The following PBX2 variants were observed in gnomAD, a reference collection of about 807,000 sequenced individuals.
PBX2 encodes the protein PBX homeobox 2.
PBX2 carries 10 observed loss-of-function variants against 46.5 expected under a neutral mutation model. That is an observed-to-expected ratio of 0.21 (90% CI 0.13 to 0.36). The LOEUF (loss-of-function observed/expected upper bound fraction) is 0.36, where lower values mean the gene tolerates loss of function less well. Among genes scored for constraint, PBX2 ranks in the 10% least tolerant of loss-of-function variants. PBX2 has a pLI of 1.00. For missense variants in PBX2, 392 were observed against 580.5 expected (o/e 0.68, Z 3.34); for synonymous variants, 160 against 222.5 (o/e 0.72, Z 2.50).
In PBX2 at chr6:32,188,727, T is replaced by A. The variant is rs1298962951; in HGVS notation, c.291A>T (p.Lys97Asn). Residue 97 changes from lysine to asparagine, a missense_variant, in exon 2 of 9, where the codon AAA (lysine) becomes AAT (asparagine). This residue lies in a region of PBX2 where 196 missense variants were observed against 246.9 expected (regional missense o/e 0.79). Coordinates refer to ENST00000375050, the MANE Select transcript of PBX2 (RefSeq NM_002586.5). The surrounding 1 kb of genome is among the most constrained non-coding windows in gnomAD (Gnocchi z 6.5). ...LFSVLCEIKEKTGLSIRSSQE... is the reference protein window; with the variant it reads ...LFSVLCEIKENTGLSIRSSQE... ...ATCCGGGGGGGGCCCACATACCAGT[T>A]TTCTCCTTGATTTCACACAGGACGC... 5 of 1,612,746 alleles carry A rather than the reference T, an allele frequency of 3.1e-6. No homozygotes were observed. The highest frequency in any genetic ancestry group is 3.4e-6 in the Non-Finnish European group (4 of 1,179,950).
Position 32,186,924 on chromosome 6 carries a change from A to G in PBX2, c.1025-23T>C. The G allele has an allele frequency of 6.3e-7, 1 of 1,593,444 alleles. No individual in the cohort carries two copies. Among genetic ancestry groups the G allele is most frequent in the Non-Finnish European group, 8.6e-7 (1 of 1,162,548 alleles). The stretch of plus-strand genomic sequence containing the variant: ...AGCCTTGTGGGGGCAGAGAGGGAAG[A>G]GTGTAATAGAGCCCGTGATGGTAGA... On this transcript the variant is annotated intron_variant, in intron 6 of 8. Coordinates refer to ENST00000375050, the MANE Select transcript of PBX2 (RefSeq NM_002586.5). The surrounding 1 kb of genome is among the most constrained non-coding windows in gnomAD (Gnocchi z 4.2).
Position 32,186,294 on chromosome 6 carries a change from C to T in PBX2, c.*88G>A. The stretch of plus-strand genomic sequence containing the variant: ...TGGCCCTTCTCTGTCTTGTGCTTCT[C>T]CTGTATTGGGGTTTGTCCTCTGGAA... On this transcript the variant is annotated 3_prime_UTR_variant, in exon 9 of 9. Coordinates refer to ENST00000375050, the MANE Select transcript of PBX2 (RefSeq NM_002586.5). The surrounding 1 kb of genome is among the most constrained non-coding windows in gnomAD (Gnocchi z 4.2). 1 of 854,124 alleles carries T rather than the reference C, an allele frequency of 1.2e-6. No homozygotes were observed. The highest frequency in any genetic ancestry group is 1.9e-6 in the Non-Finnish European group (1 of 515,284). 52.9% of individuals were successfully genotyped at this position (854,124 alleles called of 1,614,324 possible). A position where few individuals can be genotyped will look rare whatever the true frequency, so the allele number is the denominator to read the frequency against.
Position 32,187,630 on chromosome 6 carries a change from C to G in PBX2, c.870+17G>C. On this transcript the variant is annotated intron_variant, in intron 5 of 8. Coordinates refer to ENST00000375050, the MANE Select transcript of PBX2 (RefSeq NM_002586.5). The surrounding 1 kb of genome is among the most constrained non-coding windows in gnomAD (Gnocchi z 7.7). ...GTGCACTTTGCCTGACAACTCCTCCCGCAACCTCCATAATACCTGAGACAC... is the reference window on the plus strand; with the variant it reads ...GTGCACTTTGCCTGACAACTCCTCCGGCAACCTCCATAATACCTGAGACAC... 2 of 1,580,752 alleles carry G rather than the reference C, an allele frequency of 1.3e-6. No homozygotes were observed. Among genetic ancestry groups the G allele is most frequent in the Non-Finnish European group, 1.7e-6 (2 of 1,162,986 alleles).
rs1787277981 is a variant in PBX2 at position 32,189,042 on chromosome 6, G to A, written c.222-246C>T. 3.6e-6 allele frequency: 2 copies of A among 548,016 alleles called. No individual in the cohort carries two copies. 33.9% of individuals were successfully genotyped at this position (548,016 alleles called of 1,614,324 possible). Reference sequence around the variant, plus strand: ...AGCAGGTTAAAGGCTGCGGGCTTTGGGAGATGGTCTAGAAAGGTAGGAGGA... The same window carrying A: ...AGCAGGTTAAAGGCTGCGGGCTTTGAGAGATGGTCTAGAAAGGTAGGAGGA... On this transcript the variant is annotated intron_variant, in intron 1 of 8. Transcript: ENST00000375050. The surrounding 1 kb of genome is among the most constrained non-coding windows in gnomAD (Gnocchi z 4.7).
Position 32,186,975 on chromosome 6 carries a change from G to C in PBX2, c.1025-74C>G. ...GGATGAACCACAACTCTCAACTCTTGTGGGGACATGCTACTATACTCCAAT... is the reference window on the plus strand; with the variant it reads ...GGATGAACCACAACTCTCAACTCTTCTGGGGACATGCTACTATACTCCAAT... On this transcript the variant is annotated intron_variant, in intron 6 of 8. Coordinates refer to ENST00000375050, the MANE Select transcript of PBX2 (RefSeq NM_002586.5). The surrounding 1 kb of genome is among the most constrained non-coding windows in gnomAD (Gnocchi z 4.2). 3 of 1,301,594 alleles carry C rather than the reference G, an allele frequency of 2.3e-6. No homozygotes were observed. Among genetic ancestry groups the C allele is most frequent in the Non-Finnish European group, 3.3e-6 (3 of 901,256 alleles). 80.6% of individuals were successfully genotyped at this position (1,301,594 alleles called of 1,614,324 possible).
Position 32,187,529 on chromosome 6 carries a change from T to C in PBX2, c.870+118A>G, listed in dbSNP as rs2127447738. On this transcript the variant is annotated intron_variant, in intron 5 of 8. Coordinates refer to ENST00000375050, the MANE Select transcript of PBX2 (RefSeq NM_002586.5). This position sits in a 1 kb window ranked among gnomAD's most constrained non-coding sequence, Gnocchi z 7.7. ...TGCTGTTGCCCAGGCTGGTCTCCAA[T>C]TCAAGTGATCCTCCCACTTCAGCCT... is the stretch of plus-strand genomic sequence containing the variant. 6.7e-7 allele frequency: 1 copy of C among 1,501,102 alleles called. No individual in the cohort carries two copies. Among genetic ancestry groups the C allele is most frequent in the Non-Finnish European group, 9.0e-7 (1 of 1,107,364 alleles). The allele number at this position is 1,501,102 out of a possible 1,614,324, so 93.0% of individuals were successfully genotyped here.
chr6:32,186,656 C>T lies in PBX2; in HGVS notation c.1148G>A (p.Gly383Asp). The change falls in exon 8 of 9, where the codon GGC becomes GAC. Residue 383 changes from glycine to aspartate, a missense_variant. By Grantham distance (94) the Gly-to-Asp change is moderately conservative. Transcript: ENST00000375050. This position sits in a 1 kb window ranked among gnomAD's most constrained non-coding sequence, Gnocchi z 4.2. ...GCCTCCCCCGAGGTTATCCCCATAG[C>T]CCCCTGGCCCCATCGAGTGTCGGAG... Reference protein sequence around the residue: ...ESLRHSMGPGGYGDNLGGGQM... With the variant: ...ESLRHSMGPGDYGDNLGGGQM... 1 of 1,612,410 alleles carries T rather than the reference C, an allele frequency of 6.2e-7. No individual in the cohort carries two copies. The highest frequency in any genetic ancestry group is 8.5e-7 in the Non-Finnish European group (1 of 1,178,460).
In PBX2 at chr6:32,189,851, C is replaced by A; in HGVS notation, c.65G>T (p.Ser22Ile). 6.4e-7 allele frequency: 1 copy of A among 1,561,184 alleles called. No homozygotes were observed. Among genetic ancestry groups the A allele is most frequent in the Non-Finnish European group, 8.7e-7 (1 of 1,152,176 alleles). The change falls in exon 1 of 9, where the codon AGT (serine) becomes ATT (isoleucine). Residue 22 changes from serine (S) to isoleucine (I), a missense_variant. This residue lies in a region of PBX2 where 196 missense variants were observed against 246.9 expected (regional missense o/e 0.79). Coordinates refer to ENST00000375050, the MANE Select transcript of PBX2 (RefSeq NM_002586.5). The surrounding 1 kb of genome is among the most constrained non-coding windows in gnomAD (Gnocchi z 4.7). Reference sequence around the variant, plus strand: ...CTCGCCAGGGCCCCCAGGCTCCCCACTCACCAATCCCAGGCCCCCCCGGCC... The same window carrying A: ...CTCGCCAGGGCCCCCAGGCTCCCCAATCACCAATCCCAGGCCCCCCCGGCC... The part of the protein sequence containing the change: ...GGGRGGLGLV[S>I]GEPGGPGEPP...
Position 32,185,226 on chromosome 6 carries a change from T to C in PBX2, c.*1156A>G, listed in dbSNP as rs533915065. The C allele has an allele frequency of 6.5e-6, 1 of 152,678 alleles. No homozygotes were observed. Among genetic ancestry groups the C allele is most frequent in the African/African-American group, 2.4e-5 (1 of 41,546 alleles). The allele number at this position is 152,678 out of a possible 1,614,324, so 9.5% of individuals were successfully genotyped here. On this transcript the variant is annotated 3_prime_UTR_variant, in exon 9 of 9. Coordinates refer to ENST00000375050, the MANE Select transcript of PBX2 (RefSeq NM_002586.5). ...AAGACATGTCACTCACAGGGGAAGA[T>C]GGCATCTTCAATTTCCTCAAAATTA...
Position 32,186,206 on chromosome 6 carries a change from C to G in PBX2, c.*176G>C, listed in dbSNP as rs1787128075. On this transcript the variant is annotated 3_prime_UTR_variant, in exon 9 of 9. Transcript: ENST00000375050. The surrounding 1 kb of genome is among the most constrained non-coding windows in gnomAD (Gnocchi z 4.2). ...CCACACTCCCCTTAGAGGCCCCATT[C>G]TTCCTGCCATGTAATTAGCACCCCC... is the stretch of plus-strand genomic sequence containing the variant. The G allele has an allele frequency of 6.6e-6, 4 of 604,528 alleles. No homozygotes were observed. The allele number at this position is 604,528 out of a possible 1,614,324, so 37.4% of individuals were successfully genotyped here.
rs1256571505 is a variant in PBX2 at position 32,189,985 on chromosome 6, A to G, written c.-70T>C. On this transcript the variant is annotated 5_prime_UTR_variant, in exon 1 of 9. Coordinates refer to ENST00000375050, the MANE Select transcript of PBX2 (RefSeq NM_002586.5). The surrounding 1 kb of genome is among the most constrained non-coding windows in gnomAD (Gnocchi z 4.7). Reference sequence around the variant, plus strand: ...CCCCGCCTGGTTACTTCTCCCCCCAAACTCGCTGGGGCCGCTGCTCCCTCC... The same window carrying G: ...CCCCGCCTGGTTACTTCTCCCCCCAGACTCGCTGGGGCCGCTGCTCCCTCC... 1.2e-5 allele frequency: 7 copies of G among 594,982 alleles called. No homozygotes were observed. The highest frequency in any genetic ancestry group is 2.0e-5 in the African/African-American group (1 of 49,364). 36.9% of individuals were successfully genotyped at this position (594,982 alleles called of 1,614,324 possible).
At position 32,189,556 on chromosome 6, in the gene PBX2, G is replaced by A. The variant is rs903531993; in HGVS notation, c.221+139C>T. The stretch of plus-strand genomic sequence containing the variant: ...GGTTTGAGAGGGATCACTTTTCTAT[G>A]GGCTCCCAGGAATAAGGAGAGAAGA... On this transcript the variant is annotated intron_variant, in intron 1 of 8. Transcript: ENST00000375050. The surrounding 1 kb of genome is among the most constrained non-coding windows in gnomAD (Gnocchi z 4.7). The A allele has an allele frequency of 4.9e-6, 3 of 614,740 alleles. No individual in the cohort carries two copies. In the African/African-American group the frequency reaches 5.8e-5, roughly 12 times the overall value. 38.1% of individuals were successfully genotyped at this position (614,740 alleles called of 1,614,324 possible).
chr6:32,186,744 G>A lies in PBX2; in HGVS notation c.1114-54C>T, dbSNP rs1787160663. 6.9e-6 allele frequency: 11 copies of A among 1,594,286 alleles called. No homozygotes were observed. In the East Asian group the frequency reaches 1.1e-4, roughly 16 times the overall value. ...TGAAGAGAAGCCTCAGAGGAAAGAG[G>A]TCTTGTATCCTAAAGTAGAGGAAAT... On this transcript the variant is annotated intron_variant, in intron 7 of 8. Transcript: ENST00000375050. The surrounding 1 kb of genome is among the most constrained non-coding windows in gnomAD (Gnocchi z 4.2).
chr6:32,190,094 C>T lies in PBX2; in HGVS notation c.-179G>A, dbSNP rs2127450511. The stretch of plus-strand genomic sequence containing the variant: ...ACTGAAGGGAGACCTGGGATACCGG[C>T]TGGGCCCCCCACAGGAGACCCCGGC... On this transcript the variant is annotated 5_prime_UTR_variant, in exon 1 of 9. Coordinates refer to ENST00000375050, the MANE Select transcript of PBX2 (RefSeq NM_002586.5). 1 of 462,758 alleles carries T rather than the reference C, an allele frequency of 2.2e-6. No individual in the cohort carries two copies. Among genetic ancestry groups the T allele is most frequent in the Non-Finnish European group, 3.8e-6 (1 of 263,764 alleles). The allele number at this position is 462,758 out of a possible 1,614,324, so 28.7% of individuals were successfully genotyped here.
chr6:32,189,470 T>G lies in PBX2; in HGVS notation c.221+225A>C. Among the ~76,000 whole-genome samples the G allele has an allele frequency of 6.7e-6, 1 of 148,502 alleles. No homozygotes were observed. The highest frequency in any genetic ancestry group is 2.0e-4 in the East Asian group (1 of 4,918). On this transcript the variant is annotated intron_variant, in intron 1 of 8. Coordinates refer to ENST00000375050, the MANE Select transcript of PBX2 (RefSeq NM_002586.5). This position sits in a 1 kb window ranked among gnomAD's most constrained non-coding sequence, Gnocchi z 4.7. ...GCAGGGGTCGGCAAAAGGTTAGGAG[T>G]GGGGAGCCGGGCCACCGGGGGTTCC...
At position 32,188,890 on chromosome 6, in the gene PBX2, G is replaced by T; in HGVS notation, c.222-94C>A. ...AACAAGGAGGGAGGAGGGTCAGTCTGCGGAGGGAGGAAGCGGATTGGGGGT... is the reference window on the plus strand; with the variant it reads ...AACAAGGAGGGAGGAGGGTCAGTCTTCGGAGGGAGGAAGCGGATTGGGGGT... On this transcript the variant is annotated intron_variant, in intron 1 of 8. Coordinates refer to ENST00000375050, the MANE Select transcript of PBX2 (RefSeq NM_002586.5). This position sits in a 1 kb window ranked among gnomAD's most constrained non-coding sequence, Gnocchi z 6.5. 1 of 1,089,860 alleles carries T rather than the reference G, an allele frequency of 9.2e-7. No homozygotes were observed. The highest frequency in any genetic ancestry group is 1.4e-6 in the Non-Finnish European group (1 of 706,948). 67.5% of individuals were successfully genotyped at this position (1,089,860 alleles called of 1,614,324 possible). A position where few individuals can be genotyped will look rare whatever the true frequency, so the allele number is the denominator to read the frequency against.
In PBX2 at chr6:32,185,628, AC is replaced by A. The variant is rs1561889074; in HGVS notation, c.*753del. ...ATTAAGAACCACCACCACCACCACC[AC>A]CAACAACAACAAAAACAACAACAAC... On this transcript the variant is annotated 3_prime_UTR_variant, in exon 9 of 9. Transcript: ENST00000375050. 1.3e-5 allele frequency: 2 copies of A among 150,790 alleles called. No individual in the cohort carries two copies. The highest frequency in any genetic ancestry group is 2.1e-4 in the South Asian group (1 of 4,750). The allele number at this position is 150,790 out of a possible 1,614,324, so 9.3% of individuals were successfully genotyped here. A position where few individuals can be genotyped will look rare whatever the true frequency, so the allele number is the denominator to read the frequency against.
chr6:32,189,145 A>G lies in PBX2; in HGVS notation c.222-349T>C, dbSNP rs546783894. 7 of 407,216 alleles carry G rather than the reference A, an allele frequency of 1.7e-5. No homozygotes were observed. The Admixed American group carries it at 2.2e-4, about 13-fold the overall frequency. 25.2% of individuals were successfully genotyped at this position (407,216 alleles called of 1,614,324 possible). A position where few individuals can be genotyped will look rare whatever the true frequency, so the allele number is the denominator to read the frequency against. Reference sequence around the variant, plus strand: ...AGAGAGACAGAGGCTGGGGTTGAGAAGAGTCAGAGTTTGAGGTGGCAGAGT... The same window carrying G: ...AGAGAGACAGAGGCTGGGGTTGAGAGGAGTCAGAGTTTGAGGTGGCAGAGT... On this transcript the variant is annotated intron_variant, in intron 1 of 8. Transcript: ENST00000375050. The surrounding 1 kb of genome is among the most constrained non-coding windows in gnomAD (Gnocchi z 4.7).
rs1285161062 is a variant in PBX2, at chr6:32,186,953, T to G, written c.1025-52A>C. On this transcript the variant is annotated intron_variant, in intron 6 of 8. Coordinates refer to ENST00000375050, the MANE Select transcript of PBX2 (RefSeq NM_002586.5). This position sits in a 1 kb window ranked among gnomAD's most constrained non-coding sequence, Gnocchi z 4.2. ...TAATAGAGCCCGTGATGGTAGAGGA[T>G]GAACCACAACTCTCAACTCTTGTGG... 1 of 1,482,472 alleles carries G rather than the reference T, an allele frequency of 6.7e-7. No homozygotes were observed. The highest frequency in any genetic ancestry group is 1.7e-5 in the Admixed American group (1 of 59,446). The allele number at this position is 1,482,472 out of a possible 1,614,324, so 91.8% of individuals were successfully genotyped here. A position where few individuals can be genotyped will look rare whatever the true frequency, so the allele number is the denominator to read the frequency against.
Sources: gnomAD v4.1 joint callset for allele counts (sites outside exome capture counted in the v4.1 genomes callset) on GRCh38, gnomAD v4.1.1 for gene constraint, gnomAD v4.1.1 regional missense constraint, Gnocchi (gnomAD v3.1) non-coding constraint, MANE v1.5 for transcripts, NCBI Gene and HGNC (gene_info 2026-07-23, HGNC 2026-07-21) for gene names.